Variants in BRD2 observed in about 807,000 individuals in gnomAD.
BRD2 encodes the protein bromodomain containing 2.
In BRD2, 15 loss-of-function variants were observed where a neutral mutation model predicts 79.1. The observed-to-expected ratio is 0.19, with a 90% CI of 0.13 to 0.29. BRD2 has a LOEUF of 0.29. Among genes scored for constraint, BRD2 ranks in the 10% least tolerant of loss-of-function variants. BRD2 has a pLI of 1.00. For synonymous variants in BRD2, 488 were observed against 358.6 expected (o/e 1.36, Z -4.08); for missense variants, 1,053 against 991.3 (o/e 1.06, Z -0.84).
chr6:32,969,707 C>A (rs1304850082), intron 1 of BRD2, among the ~76,000 whole-genome samples: 1 of 152,188 alleles, frequency 6.6e-6, no homozygotes, highest in African/African-American at 2.4e-5. Context: ...GGGGTGCTTA[C>A]AAGCTGAAAG....
At chr6:32,974,972 C>G (rs953451075) in intron 3 of BRD2, 4 of 1,467,086 alleles carry the variant, frequency 2.7e-6, no homozygotes, top group Middle Eastern at 1.7e-4. Flanking sequence ...TTTCCTTGTG[C>G]CCTCCATGTG....
At position 32,973,118 on chromosome 6, in the gene BRD2, A is replaced by AG. The variant is rs1191553266; in HGVS notation, c.29+195dup. On this transcript the variant is annotated intron_variant, in intron 2 of 12. Transcript: ENST00000374825. ...GTGGCGGCTCGGCTACTGCTCGTGG[A>AG]GGGGAATACAGGTTGTCAATTTATA... The AG allele has an allele frequency of 2.6e-6, 4 of 1,552,794 alleles. No individual in the cohort carries two copies. The East Asian group carries it at 9.8e-5, about 38-fold the overall frequency.
At position 32,980,807 on chromosome 6, in the gene BRD2, C is replaced by T. The variant is rs1382706917; in HGVS notation, c.*89C>T. ...CCTGCCCCTTCCCCCTTTGCTGTGA[C>T]ACTTCTTCATCTCACCCCCCCCCGC... On this transcript the variant is annotated 3_prime_UTR_variant, in exon 13 of 13. Transcript: ENST00000374825. 3.3e-6 allele frequency: 5 copies of T among 1,493,690 alleles called. No individual in the cohort carries two copies. The Admixed American group carries it at 5.2e-5, about 16-fold the overall frequency. 92.5% of individuals were successfully genotyped at this position (1,493,690 alleles called of 1,614,324 possible). A position where few individuals can be genotyped will look rare whatever the true frequency, so the allele number is the denominator to read the frequency against.
In BRD2 at chr6:32,980,921, C is replaced by T; in HGVS notation, c.*203C>T. ...ACATGGACAAAACAACATTGAATTC[C>T]CAGCCCCATTGGGGAGTGATCTCTT... On this transcript the variant is annotated 3_prime_UTR_variant, in exon 13 of 13. Coordinates refer to ENST00000374825, the MANE Select transcript of BRD2 (RefSeq NM_005104.4). 1 of 633,178 alleles carries T rather than the reference C, an allele frequency of 1.6e-6. No homozygotes were observed. The highest frequency in any genetic ancestry group is 2.7e-6 in the Non-Finnish European group (1 of 370,550). The allele number at this position is 633,178 out of a possible 1,614,324, so 39.2% of individuals were successfully genotyped here.
intron 2 of BRD2, among the ~76,000 whole-genome samples, chr6:32,973,773 C>T (rs906669356): frequency 5.3e-5 from 8 of 152,144 alleles, no homozygotes; most frequent in Admixed American, 1.3e-4. Flanking sequence ...TTTTTGACTT[C>T]CTTGGAGTGA....
At chr6:32,975,566 A>G (rs1389116541) in intron 4 of BRD2, 45 bp downstream of exon 4, 1 of 1,598,312 alleles carries the variant, frequency 6.3e-7, no homozygotes, top group Admixed American at 1.7e-5. Context: ...GAGAAACAGT[A>G]ACTTCTATTA....
At chr6:32,969,678 C>T (rs1193251169) in intron 1 of BRD2, among the ~76,000 whole-genome samples, 1 of 152,180 alleles carries the variant, frequency 6.6e-6, no homozygotes, top group Non-Finnish European at 1.5e-5. Context: ...CTTTACTGAG[C>T]ACGTGTCTAC....
chr6:32,978,760 C>T (rs1043365330), intron 10 of BRD2: 2 of 264,640 alleles, frequency 7.6e-6, no homozygotes, highest in Non-Finnish European at 7.2e-6. Context: ...CTGTTCACCT[C>T]CTGCGTAGCC....
In BRD2 at chr6:32,980,827, C is replaced by A. The variant is rs199530843; in HGVS notation, c.*109C>A. On this transcript the variant is annotated 3_prime_UTR_variant, in exon 13 of 13. Transcript: ENST00000374825. ...TGTGACACTTCTTCATCTCACCCCC[C>A]CCCGCCCCCCTCTAGGAGAGCTGGC... 3.7e-6 allele frequency: 5 copies of A among 1,346,842 alleles called. No homozygotes were observed. The highest frequency in any genetic ancestry group is 5.1e-6 in the Non-Finnish European group (5 of 974,458). The allele number at this position is 1,346,842 out of a possible 1,614,324, so 83.4% of individuals were successfully genotyped here. A position where few individuals can be genotyped will look rare whatever the true frequency, so the allele number is the denominator to read the frequency against.
chr6:32,978,244 G>T lies in BRD2; in HGVS notation c.1697G>T (p.Arg566Leu). The T allele has an allele frequency of 6.2e-7, 1 of 1,613,046 alleles. No homozygotes were observed. The highest frequency in any genetic ancestry group is 8.5e-7 in the Non-Finnish European group (1 of 1,180,018). The change falls in exon 10 of 13, where the codon CGA becomes CTA. Residue 566 changes from arginine to leucine, a missense_variant. Physicochemically the swap from Arg to Leu is moderately radical, Grantham distance 102. Coordinates refer to ENST00000374825, the MANE Select transcript of BRD2 (RefSeq NM_005104.4). ...CGGAAGGCAGAGAAGCATCGAGGCC[G>T]AGCTGGGGCCGATGAAGATGACAAG... ...KKRKAEKHRG[R>L]AGADEDDKGP...
intron 1 of BRD2, chr6:32,970,780 T>C (rs1174851311): frequency 6.6e-6 from 1 of 151,500 alleles, no homozygotes; most frequent in Non-Finnish European, 1.5e-5. Flanking sequence ...ATAACCAAGT[T>C]AGGAGGAAGA....
In BRD2 at chr6:32,974,650, G is replaced by A; in HGVS notation, c.218G>A (p.Gly73Glu). The change falls in exon 3 of 13, where the codon GGA becomes GAA. Residue 73 changes from glycine (G) to glutamate (E), a missense_variant. Coordinates refer to ENST00000374825, the MANE Select transcript of BRD2 (RefSeq NM_005104.4). ...GAGGTGTCCAATCCCAAAAAGCCAGGACGAGTTACCAACCAGCTGCAATAC... is the reference window on the plus strand; with the variant it reads ...GAGGTGTCCAATCCCAAAAAGCCAGAACGAGTTACCAACCAGCTGCAATAC... ...PPEVSNPKKP[G>E]RVTNQLQYLH... 1 of 1,614,214 alleles carries A rather than the reference G, an allele frequency of 6.2e-7. No individual in the cohort carries two copies. Among genetic ancestry groups the A allele is most frequent in the Non-Finnish European group, 8.5e-7 (1 of 1,180,040 alleles).
chr6:32,976,340 C>G lies in BRD2; in HGVS notation c.701C>G (p.Pro234Arg). 2 of 1,613,080 alleles carry G rather than the reference C, an allele frequency of 1.2e-6. No individual in the cohort carries two copies. The highest frequency in any genetic ancestry group is 1.7e-6 in the Non-Finnish European group (2 of 1,180,014). ...TALYTPPPEI[P>R]TTVLNIPHPS... Reference sequence around the variant, plus strand: ...CTGTATACTCCTCCACCTGAGATACCTACCACTGTCCTCAACATTCCCCAC... The same window carrying G: ...CTGTATACTCCTCCACCTGAGATACGTACCACTGTCCTCAACATTCCCCAC... The change falls in exon 6 of 13, where the codon CCT becomes CGT. Residue 234 changes from proline to arginine, a missense_variant. Around this residue, in one of 5 missense-constraint regions of BRD2, gnomAD observed 413 missense variants for 335.1 expected, o/e 1.23. Coordinates refer to ENST00000374825, the MANE Select transcript of BRD2 (RefSeq NM_005104.4).
chr6:32,977,921 TGAG>T lies in BRD2; in HGVS notation c.1500_1502del (p.Glu500del), dbSNP rs3918142. The T allele has an allele frequency of 0.03, 48,728 of 1,612,630 alleles. 928 individuals carry two copies. The highest frequency in any genetic ancestry group is 0.048 in the South Asian group (4,386 of 91,062). ...CCTCTGAGGAAGAGGAGGAGGAAGA[TGAG>T]GAGGACGAGGAGGAAGAAGAGAGTG... On this transcript the variant is annotated inframe_deletion, in exon 9 of 13. Coordinates refer to ENST00000374825, the MANE Select transcript of BRD2 (RefSeq NM_005104.4).
At chr6:32,974,363 C>T in intron 2 of BRD2, 99 bp from the exon 3 acceptor site, 1 of 1,277,152 alleles carries the variant, frequency 7.8e-7, no homozygotes, top group Non-Finnish European at 1.1e-6. Context: ...AGCTTAACCA[C>T]CTCACTAGGG....
At chr6:32,971,540 C>A in intron 1 of BRD2, 55 bp from the exon 2 acceptor site, 2 of 441,012 alleles carry the variant, frequency 4.5e-6, no homozygotes, top group South Asian at 1.1e-4. Flanking sequence ...CGTAGCTGTT[C>A]GCCATAGAGG....
At chr6:32,974,989 C>A in intron 3 of BRD2, 1 of 1,510,120 alleles carries the variant, frequency 6.6e-7, no homozygotes. Flanking sequence ...TGTGTCCTTC[C>A]TTAACTTTTG....
intron 3 of BRD2, 37 bp from the exon 4 acceptor site, chr6:32,975,347 T>C: frequency 1.9e-6 from 3 of 1,552,366 alleles, no homozygotes; most frequent in Non-Finnish European, 2.6e-6. Flanking sequence ...TAAGCATTTA[T>C]TTTTCTGTGG....
rs1005194009 is a variant in BRD2, at chr6:32,971,942, T to G, written c.-957T>G. 7.1e-6 allele frequency: 5 copies of G among 702,938 alleles called. No homozygotes were observed. The highest frequency in any genetic ancestry group is 1.3e-5 in the Non-Finnish European group (5 of 384,968). The allele number at this position is 702,938 out of a possible 1,614,324, so 43.5% of individuals were successfully genotyped here. A position where few individuals can be genotyped will look rare whatever the true frequency, so the allele number is the denominator to read the frequency against. On this transcript the variant is annotated 5_prime_UTR_variant, in exon 2 of 13. Coordinates refer to ENST00000374825, the MANE Select transcript of BRD2 (RefSeq NM_005104.4). ...GATGTGGCGGGTTGCCACTTCCCTGTGGGTCTCTGCGGCACTCTTCTGCCT... is the reference window on the plus strand; with the variant it reads ...GATGTGGCGGGTTGCCACTTCCCTGGGGGTCTCTGCGGCACTCTTCTGCCT...
Sources: gnomAD v4.1 joint callset for allele counts (sites outside exome capture counted in the v4.1 genomes callset) on GRCh38, gnomAD v4.1.1 for gene constraint, gnomAD v4.1.1 regional missense constraint, MANE v1.5 for transcripts, NCBI Gene and HGNC (gene_info 2026-07-23, HGNC 2026-07-21) for gene names.